ZNF423: variants seen among roughly 807,000 people sequenced by gnomAD.
ZNF423 encodes the protein zinc finger protein 423, also known as Ebf-associated zinc finger protein.
Under a neutral mutation model 95.8 loss-of-function variants are expected in ZNF423, and 12 were observed. The observed-to-expected ratio is 0.13, with a 90% CI of 0.08 to 0.20. The LOEUF is 0.20. ZNF423 is among the 10% of genes least tolerant of loss of function. ZNF423 has a pLI of 1.00. For missense variants in ZNF423, 1,316 were observed against 1,737.1 expected, an observed-to-expected ratio of 0.76 and a Z score of 4.31; for synonymous variants, 749 against 711.9, an observed-to-expected ratio of 1.05 and a Z score of -0.83.
chr16:49,629,702 T>C (rs1972434170), intron 4 of ZNF423, among the ~76,000 whole-genome samples: 1 of 152,220 alleles, frequency 6.6e-6, no homozygotes, highest in African/African-American at 2.4e-5. Context: ...ATGTGTTTTG[T>C]CTACCTTTGA....
Position 49,611,614 on chromosome 16 carries a change from A to G in ZNF423, c.3601+14556T>C, listed in dbSNP as rs553336647. Reference sequence around the variant, plus strand: ...AAAAGATGAAGATAAACATAGAACAAGCAGAATGCAGAAAATAATAAGGAA... The same window carrying G: ...AAAAGATGAAGATAAACATAGAACAGGCAGAATGCAGAAAATAATAAGGAA... On this transcript the variant is annotated intron_variant, in intron 5 of 7. Transcript: ENST00000563137. Among the ~76,000 whole-genome samples the G allele has an allele frequency of 1.4e-3, 211 of 152,150 alleles. 1 individual carries two copies. Among genetic ancestry groups the G allele is most frequent in the African/African-American group, 4.9e-3 (203 of 41,578 alleles).
intron 1 of ZNF423, among the ~76,000 whole-genome samples, chr16:49,791,905 G>C (rs915297265): frequency 2.0e-5 from 3 of 151,394 alleles, no homozygotes; most frequent in African/African-American, 7.3e-5. Context: ...GGGAGGCTAA[G>C]GCAAGAGAAT....
At chr16:49,534,128 ACT>A (rs1270227517) in intron 5 of ZNF423, among the ~76,000 whole-genome samples, 2 of 151,866 alleles carry the variant, frequency 1.3e-5, no homozygotes, top group Admixed American at 6.6e-5. Flanking sequence ...ATGGAGGGAG[ACT>A]CTGTCTCTTA....
At chr16:49,598,840 C>A (rs1325432575) in intron 5 of ZNF423, among the ~76,000 whole-genome samples, 1 of 152,196 alleles carries the variant, frequency 6.6e-6, no homozygotes, top group African/African-American at 2.4e-5. Flanking sequence ...TACTGCAGCA[C>A]TGTAAATGGT....
At chr16:49,797,106 T>G (rs922250434) in intron 1 of ZNF423, among the ~76,000 whole-genome samples, 1 of 151,916 alleles carries the variant, frequency 6.6e-6, no homozygotes, top group Non-Finnish European at 1.5e-5. Flanking sequence ...GGAAACCCTC[T>G]CACACACTGC....
intron 3 of ZNF423, among the ~76,000 whole-genome samples, chr16:49,722,530 A>G (rs1413632022): frequency 6.6e-6 from 1 of 152,188 alleles, no homozygotes; most frequent in African/African-American, 2.4e-5. Flanking sequence ...CACACTAAAG[A>G]AACACTTATT....
chr16:49,587,165 G>A (rs1970866918), intron 5 of ZNF423, among the ~76,000 whole-genome samples: 1 of 152,136 alleles, frequency 6.6e-6, no homozygotes, highest in African/African-American at 2.4e-5. Flanking sequence ...ACGTCTTGAG[G>A]GTCAATATCC....
At position 49,491,716 on chromosome 16, in the gene ZNF423, C is replaced by T. The variant is rs112960927; in HGVS notation, c.3850-412G>A. ...GGAAACTCTGATCGCCTGCAGGCTG[C>T]CCTCGCATCCCCCTCTCAGTCTTCC... On this transcript the variant is annotated intron_variant, in intron 7 of 7. Coordinates refer to ENST00000563137, the MANE Select transcript of ZNF423 (RefSeq NM_001379286.1). 3.0e-3 allele frequency among the ~76,000 whole-genome samples: 454 copies of T among 152,224 alleles called. 3 individuals are homozygous for T. Among genetic ancestry groups the T allele is most frequent in the Middle Eastern group, 0.01 (3 of 294 alleles).
At chr16:49,527,230 C>A (rs1054000660) in intron 5 of ZNF423, among the ~76,000 whole-genome samples, 2 of 152,230 alleles carry the variant, frequency 1.3e-5, no homozygotes, top group Non-Finnish European at 2.9e-5. Context: ...TGGAATCTAC[C>A]GGGTGTTTGT....
At chr16:49,751,373 T>A (rs1455596974) in intron 2 of ZNF423, among the ~76,000 whole-genome samples, 1 of 151,966 alleles carries the variant, frequency 6.6e-6, no homozygotes, top group Non-Finnish European at 1.5e-5. Flanking sequence ...GGCTAGTTTT[T>A]TTCAAAAATC....
intron 5 of ZNF423, among the ~76,000 whole-genome samples, chr16:49,564,710 T>C (rs1286848739): frequency 6.6e-6 from 1 of 152,158 alleles, no homozygotes; most frequent in East Asian, 1.9e-4. Flanking sequence ...TTGGAAGTAG[T>C]GTGGAAACAC....
intron 1 of ZNF423, among the ~76,000 whole-genome samples, chr16:49,814,034 C>A (rs2034797129): frequency 6.6e-6 from 1 of 152,238 alleles, no homozygotes; most frequent in African/African-American, 2.4e-5. Context: ...ACTTTTTACT[C>A]CTGGAAAGCC....
At chr16:49,728,780 C>A (rs746777244) in intron 3 of ZNF423, among the ~76,000 whole-genome samples, 1 of 151,960 alleles carries the variant, frequency 6.6e-6, no homozygotes, top group Non-Finnish European at 1.5e-5. Flanking sequence ...TCACCCAGGC[C>A]AGAGTGCAGT....
intron 3 of ZNF423, among the ~76,000 whole-genome samples, chr16:49,682,993 C>T (rs2031428505): frequency 6.6e-6 from 1 of 152,196 alleles, no homozygotes; most frequent in Non-Finnish European, 1.5e-5. Context: ...GAGGGAGCCG[C>T]TTTTCCGCCT....
In ZNF423 at chr16:49,698,941, T is replaced by C. The variant is rs2032073557; in HGVS notation, c.301+31830A>G. The stretch of plus-strand genomic sequence containing the variant: ...CCAGAGACCCGCGGAGCTCCAGTAA[T>C]TTTCTGTTATATTATCTTTCTTGTA... On this transcript the variant is annotated intron_variant, in intron 3 of 7. Coordinates refer to ENST00000563137, the MANE Select transcript of ZNF423 (RefSeq NM_001379286.1). 3.3e-5 allele frequency among the ~76,000 whole-genome samples: 5 copies of C among 152,352 alleles called. No homozygotes were observed. The South Asian group carries it at 8.3e-4, about 25-fold the overall frequency.
chr16:49,564,360 G>A (rs1970116257), intron 5 of ZNF423, among the ~76,000 whole-genome samples: 1 of 152,058 alleles, frequency 6.6e-6, no homozygotes, highest in Admixed American at 6.5e-5. Context: ...TTGGCATGCT[G>A]GCTAAGGATG....
chr16:49,760,967 AAC>A (rs2033820595), intron 2 of ZNF423, among the ~76,000 whole-genome samples: 2 of 151,044 alleles, frequency 1.3e-5, no homozygotes, highest in African/African-American at 4.9e-5. Context: ...CATGCACATG[AAC>A]ACACATATGC....
chr16:49,666,782 CCTGGAGTAGTTTCT>C (rs1462274168), intron 3 of ZNF423, among the ~76,000 whole-genome samples: 4 of 152,152 alleles, frequency 2.6e-5, no homozygotes, highest in African/African-American at 9.7e-5. Context: ...CTCTTATTTC[CCTGGAGTAGTTTCT>C]CTACGCAACT....
chr16:49,728,573 A>C (rs183411781), intron 3 of ZNF423, among the ~76,000 whole-genome samples: 11 of 152,174 alleles, frequency 7.2e-5, no homozygotes, highest in Non-Finnish European at 1.6e-4. Context: ...CTGGAGTCAA[A>C]GGCTGATGAG....
Sources: gnomAD v4.1 joint callset for allele counts (sites outside exome capture counted in the v4.1 genomes callset) on GRCh38, gnomAD v4.1.1 for gene constraint, MANE v1.5 for transcripts, NCBI Gene and HGNC (gene_info 2026-07-23, HGNC 2026-07-21) for gene names.